The following CSGALNACT1 variants were observed in gnomAD, a reference collection of about 807,000 sequenced individuals.
CSGALNACT1 encodes the protein beta4GalNAcT-1.
A neutral mutation model predicts 51.0 loss-of-function variants in CSGALNACT1; 52 were observed. The ratio of observed to expected loss-of-function variants is 1.02; its 90% CI spans 0.82 to 1.29. CSGALNACT1 has a LOEUF of 1.29. Ranked by LOEUF, CSGALNACT1 falls within the 50% of genes most tolerant of loss-of-function variation. The probability of loss-of-function intolerance (pLI) is 0.00; values close to 1 mark genes in which losing one functional copy is unlikely to be tolerated. For missense variants in CSGALNACT1, 935 were observed against 679.2 expected (o/e 1.38, Z -4.19); for synonymous variants, 341 against 254.4 (o/e 1.34, Z -3.24).
At chr8:19,480,101 T>C (rs531232746) in intron 4 of CSGALNACT1, among the ~76,000 whole-genome samples, 1 of 152,336 alleles carries the variant, frequency 6.6e-6, no homozygotes, top group South Asian at 2.1e-4. Context: ...ACAAGTCATG[T>C]ATTTTATTTT....
chr8:19,663,966 C>T (rs969449947), intron 1 of CSGALNACT1, among the ~76,000 whole-genome samples: 4 of 152,180 alleles, frequency 2.6e-5, no homozygotes, highest in African/African-American at 9.7e-5. Flanking sequence ...AGAAGTGACA[C>T]CATCTTCACA....
intron 4 of CSGALNACT1, among the ~76,000 whole-genome samples, chr8:19,475,600 G>T (rs1201321600): frequency 6.6e-6 from 1 of 152,122 alleles, no homozygotes; most frequent in Non-Finnish European, 1.5e-5. Flanking sequence ...TGATCACCAA[G>T]GGAAGATAAT....
At chr8:19,405,790 T>C (rs2054017672) in exon 10 of CSGALNACT1, 1 of 1,614,198 alleles carries the variant, frequency 6.2e-7, no homozygotes. Flanking sequence ...TCATGTTTTT[T>C]TGCTACTTGT....
intron 4 of CSGALNACT1, among the ~76,000 whole-genome samples, chr8:19,498,179 T>C (rs1033565100): frequency 1.3e-5 from 2 of 152,150 alleles, no homozygotes; most frequent in Non-Finnish European, 1.5e-5. Context: ...CAGAGTTCTG[T>C]CTCCTCCCTG....
chr8:19,476,508 C>T (rs566914695), intron 4 of CSGALNACT1, among the ~76,000 whole-genome samples: 1 of 152,266 alleles, frequency 6.6e-6, no homozygotes, highest in African/African-American at 2.4e-5. Context: ...TCCCAAAGTG[C>T]TGGGGTTACA....
At chr8:19,651,705 A>C (rs899490478) in intron 1 of CSGALNACT1, among the ~76,000 whole-genome samples, 1 of 152,276 alleles carries the variant, frequency 6.6e-6, no homozygotes, top group South Asian at 2.1e-4. Context: ...CGCTATTGTG[A>C]ATAGTGCTGC....
chr8:19,600,224 G>A (rs1448117799), intron 2 of CSGALNACT1, among the ~76,000 whole-genome samples: 1 of 152,076 alleles, frequency 6.6e-6, no homozygotes, highest in Non-Finnish European at 1.5e-5. Flanking sequence ...CTGGGTTACA[G>A]GTATGCACCA....
At chr8:19,490,057 GC>G (rs2074014675) in intron 4 of CSGALNACT1, among the ~76,000 whole-genome samples, 1 of 152,058 alleles carries the variant, frequency 6.6e-6, no homozygotes, top group Non-Finnish European at 1.5e-5. Context: ...TCTTTTGATG[GC>G]CCCCAAATAT....
chr8:19,706,162 T>C (rs1319384210), intron 1 of CSGALNACT1, among the ~76,000 whole-genome samples: 1 of 152,226 alleles, frequency 6.6e-6, no homozygotes, highest in Non-Finnish European at 1.5e-5. Flanking sequence ...GACAGCTGTG[T>C]GAGGCCTTAT....
intron 3 of CSGALNACT1, among the ~76,000 whole-genome samples, chr8:19,560,533 A>G (rs1758380819): frequency 1.3e-5 from 2 of 152,346 alleles, no homozygotes; most frequent in South Asian, 4.1e-4. Context: ...AATTCTGCAA[A>G]CAATTCAATA....
chr8:19,465,871 C>A (rs1268764761), intron 4 of CSGALNACT1, among the ~76,000 whole-genome samples: 2 of 152,110 alleles, frequency 1.3e-5, no homozygotes, highest in East Asian at 1.9e-4. Context: ...AAGGATTTAC[C>A]CCCTGGAGTC....
chr8:19,727,705 A>G (rs2063481153), intron 1 of CSGALNACT1, among the ~76,000 whole-genome samples: 3 of 152,146 alleles, frequency 2.0e-5, no homozygotes, highest in Non-Finnish European at 4.4e-5. Flanking sequence ...ATGGTTGCCC[A>G]TCAAAATGTG....
intron 3 of CSGALNACT1, among the ~76,000 whole-genome samples, chr8:19,540,818 C>T (rs536431898): frequency 6.6e-6 from 1 of 152,294 alleles, no homozygotes; most frequent in Non-Finnish European, 1.5e-5. Context: ...TCTCCCTTTG[C>T]TGGAATAATC....
rs548959786 is a variant in CSGALNACT1 at position 19,637,178 on chromosome 8, C to A, written c.-543-35313G>T. On this transcript the variant is annotated intron_variant, in intron 1 of 9. Coordinates refer to the CSGALNACT1 transcript ENST00000332246. ...TGGAGATCGCACCATTGCACTCCAG[C>A]CTGGGCGATAGAGACTCCATCTCAA... Among the ~76,000 whole-genome samples the A allele has an allele frequency of 5.3e-5, 8 of 152,216 alleles. No individual in the cohort carries two copies. In the South Asian group the frequency reaches 1.7e-3, roughly 32 times the overall value.
intron 1 of CSGALNACT1, among the ~76,000 whole-genome samples, chr8:19,654,250 A>G (rs1254307621): frequency 6.6e-6 from 1 of 152,232 alleles, no homozygotes. Flanking sequence ...GAAATGCTCA[A>G]TCACTTTCTT....
At chr8:19,466,100 A>G (rs1484066996) in intron 4 of CSGALNACT1, among the ~76,000 whole-genome samples, 1 of 152,196 alleles carries the variant, frequency 6.6e-6, no homozygotes, top group Non-Finnish European at 1.5e-5. Context: ...AATCTCCAAC[A>G]CACTGAAAAG....
upstream of CSGALNACT1, among the ~76,000 whole-genome samples, chr8:19,685,067 A>G (rs1408753407): frequency 6.6e-6 from 1 of 152,210 alleles, no homozygotes; most frequent in Non-Finnish European, 1.5e-5. Flanking sequence ...TATGGTAAAG[A>G]GCACAAACTT....
chr8:19,514,916 G>T (rs557397658), intron 3 of CSGALNACT1, among the ~76,000 whole-genome samples: 1 of 152,110 alleles, frequency 6.6e-6, no homozygotes, highest in African/African-American at 2.4e-5. Flanking sequence ...ATAATAAAGC[G>T]TAAAATATTT....
In CSGALNACT1 at chr8:19,548,728, C is replaced by G. The variant is rs748326037; in HGVS notation, c.-297+42432G>C. 5.9e-5 allele frequency among the ~76,000 whole-genome samples: 9 copies of G among 152,318 alleles called. No individual in the cohort carries two copies. In the Middle Eastern group the frequency reaches 0.014, roughly 230 times the overall value. On this transcript the variant is annotated intron_variant, in intron 3 of 9. Coordinates refer to ENST00000454498, the Ensembl canonical transcript of CSGALNACT1. ...CAGCCTTTTGCCCTCTCCAACTTCCCTGAGTCCAAATGATCAAAAGACACT... is the reference window on the plus strand; with the variant it reads ...CAGCCTTTTGCCCTCTCCAACTTCCGTGAGTCCAAATGATCAAAAGACACT...
Sources: gnomAD v4.1 joint callset for allele counts (sites outside exome capture counted in the v4.1 genomes callset) on GRCh38, gnomAD v4.1.1 for gene constraint, MANE v1.5 for transcripts, NCBI Gene and HGNC (gene_info 2026-07-23, HGNC 2026-07-21) for gene names.